Variants in CAPS2 observed in about 807,000 individuals in gnomAD.
CAPS2 encodes the protein calcyphosine 2, also known as calcyphosin-2.
In CAPS2, 98 loss-of-function variants were observed where a neutral mutation model predicts 86.5. The ratio of observed to expected loss-of-function variants is 1.13; its 90% CI spans 0.96 to 1.34. CAPS2 has a LOEUF of 1.34. Ranked by LOEUF, CAPS2 falls within the 40% of genes most tolerant of loss-of-function variation. The pLI is 0.00. For synonymous variants in CAPS2, 210 were observed against 225.1 expected, an observed-to-expected ratio of 0.93 and a Z score of 0.60; for missense variants, 729 against 686.8, an observed-to-expected ratio of 1.06 and a Z score of -0.69.
At position 75,294,134 on chromosome 12, in the gene CAPS2, C is replaced by T. The variant is rs192066167; in HGVS notation, c.1045-767G>A. ...TATTTTTTTGTATTTTTAATAGAGACGGGGTTTCACCATGTTGGTCAGGCT... is the reference window on the plus strand; with the variant it reads ...TATTTTTTTGTATTTTTAATAGAGATGGGGTTTCACCATGTTGGTCAGGCT... On this transcript the variant is annotated intron_variant, in intron 11 of 16. Coordinates refer to ENST00000393284, the Ensembl canonical transcript of CAPS2. 7.2e-3 allele frequency among the ~76,000 whole-genome samples: 1,099 copies of T among 152,010 alleles called. 7 individuals are homozygous for T. Among genetic ancestry groups the T allele is most frequent in the Non-Finnish European group, 0.011 (736 of 67,968 alleles).
chr12:75,341,738 G>T (rs1217029848), intron 1 of CAPS2, among the ~76,000 whole-genome samples: 5 of 146,282 alleles, frequency 3.4e-5, no homozygotes, highest in Admixed American at 2.7e-4. Context: ...GAGCCACCGC[G>T]CCCGGCCTCT....
chr12:75,277,387 T>G (rs929556540), exon 17 of CAPS2: 12 of 977,004 alleles, frequency 1.2e-5, no homozygotes, highest in Non-Finnish European at 1.5e-5. Context: ...AAGAACAATT[T>G]GTAGGGTTTA....
chr12:75,304,739 T>C lies in CAPS2; in HGVS notation c.779+18A>G. On this transcript the variant is annotated intron_variant, in intron 8 of 16. Coordinates refer to ENST00000393284, the Ensembl canonical transcript of CAPS2. ...GAACATAGTGCATCCTCATTTTATG[T>C]AATTAAAATCTTCTTACTTTGTTTC... 3 of 1,542,554 alleles carry C rather than the reference T, an allele frequency of 1.9e-6. No individual in the cohort carries two copies. Among genetic ancestry groups the C allele is most frequent in the Non-Finnish European group, 2.7e-6 (3 of 1,129,542 alleles).
At chr12:75,381,529 C>CTTTT (rs201207445) in intron 1 of CAPS2, among the ~76,000 whole-genome samples, 1 of 118,364 alleles carries the variant, frequency 8.4e-6, no homozygotes, top group African/African-American at 3.3e-5. Context: ...GTTATTTAGA[C>CTTTT]TTTTTTTTTT....
intron 1 of CAPS2, among the ~76,000 whole-genome samples, chr12:75,387,232 A>T (rs2045338159): frequency 6.6e-6 from 1 of 152,236 alleles, no homozygotes; most frequent in South Asian, 2.1e-4. Flanking sequence ...AAACAGTTTA[A>T]TTTAAAAATG....
upstream of CAPS2, among the ~76,000 whole-genome samples, chr12:75,330,321 C>T (rs548927625): frequency 6.6e-6 from 1 of 152,334 alleles, no homozygotes; most frequent in South Asian, 2.1e-4. Flanking sequence ...CCCAGGGAAC[C>T]GGCTCCGCGG....
chr12:75,373,343 G>T (rs1330133076), intron 1 of CAPS2, among the ~76,000 whole-genome samples: 1 of 152,128 alleles, frequency 6.6e-6, no homozygotes. Flanking sequence ...TCAACCTTTG[G>T]TGAGCATTCA....
At chr12:75,310,415 G>A (rs1362764855) in intron 7 of CAPS2, among the ~76,000 whole-genome samples, 1 of 152,164 alleles carries the variant, frequency 6.6e-6, no homozygotes, top group East Asian at 1.9e-4. Flanking sequence ...TGGGGAAAAG[G>A]CATTCCAAGA....
intron 11 of CAPS2, among the ~76,000 whole-genome samples, chr12:75,293,842 CA>C (rs955432467): frequency 4.6e-5 from 7 of 152,302 alleles, no homozygotes; most frequent in Middle Eastern, 3.4e-3. Context: ...AAATTCCTAT[CA>C]AAAAATCTTA....
chr12:75,384,599 TATA>T (rs2045185733), intron 1 of CAPS2, among the ~76,000 whole-genome samples: 1 of 152,226 alleles, frequency 6.6e-6, no homozygotes, highest in South Asian at 2.1e-4. Flanking sequence ...ATCGATTCTG[TATA>T]ATGTCTTTCA....
chr12:75,382,497 G>A (rs1256184677), intron 1 of CAPS2, among the ~76,000 whole-genome samples: 1 of 152,016 alleles, frequency 6.6e-6, no homozygotes, highest in Non-Finnish European at 1.5e-5. Flanking sequence ...AAAATTAGCT[G>A]GGTGTGGTGG....
At chr12:75,317,288 C>T (rs1043571705) in intron 5 of CAPS2, among the ~76,000 whole-genome samples, 2 of 151,992 alleles carry the variant, frequency 1.3e-5, no homozygotes. Context: ...TAATGAATCT[C>T]GCTTAGGTAT....
intron 1 of CAPS2, among the ~76,000 whole-genome samples, chr12:75,368,026 T>C (rs2044104327): frequency 6.6e-6 from 1 of 152,158 alleles, no homozygotes; most frequent in Non-Finnish European, 1.5e-5. Flanking sequence ...AATTTTTTCC[T>C]GCATCTCTTG....
At chr12:75,287,622 G>T (rs541428282) in intron 14 of CAPS2, among the ~76,000 whole-genome samples, 2 of 152,296 alleles carry the variant, frequency 1.3e-5, no homozygotes, top group South Asian at 4.1e-4. Flanking sequence ...CTAAGCTTGT[G>T]GAGGTTCCTG....
At chr12:75,310,189 A>G (rs549632067) in intron 7 of CAPS2, among the ~76,000 whole-genome samples, 1 of 152,374 alleles carries the variant, frequency 6.6e-6, no homozygotes, top group South Asian at 2.1e-4. Flanking sequence ...TGATAAACAG[A>G]GAAAATACAA....
intron 1 of CAPS2, among the ~76,000 whole-genome samples, chr12:75,387,217 AAAAC>A (rs1263264639): frequency 6.6e-6 from 1 of 152,220 alleles, no homozygotes; most frequent in Non-Finnish European, 1.5e-5. Context: ...CAACAATCGA[AAAAC>A]AAACAGTTTA....
intron 1 of CAPS2, among the ~76,000 whole-genome samples, chr12:75,372,007 T>TTTTG (rs980172864): frequency 6.6e-6 from 1 of 152,112 alleles, no homozygotes; most frequent in Non-Finnish European, 1.5e-5. Context: ...ATTTCATCTT[T>TTTTG]TTTGTTTGTT....
chr12:75,372,084 G>C (rs2044395961), intron 1 of CAPS2, among the ~76,000 whole-genome samples: 1 of 152,164 alleles, frequency 6.6e-6, no homozygotes, highest in African/African-American at 2.4e-5. Context: ...GCACGATCTT[G>C]GCTCACTGCA....
intron 16 of CAPS2, among the ~76,000 whole-genome samples, chr12:75,281,627 C>T (rs1410194950): frequency 1.3e-5 from 2 of 151,898 alleles, no homozygotes; most frequent in East Asian, 3.9e-4. Context: ...AATGTATTAA[C>T]TGAAATATAT....
Sources: gnomAD v4.1 joint callset for allele counts (sites outside exome capture counted in the v4.1 genomes callset) on GRCh38, gnomAD v4.1.1 for gene constraint, MANE v1.5 for transcripts, NCBI Gene and HGNC (gene_info 2026-07-23, HGNC 2026-07-21) for gene names.